The following PKP2 variants were observed in gnomAD, a reference collection of about 807,000 sequenced individuals.
The protein encoded by PKP2 is plakophilin 2.
Under a neutral mutation model 83.4 loss-of-function variants are expected in PKP2, and 73 were observed. That is an observed-to-expected ratio of 0.88 (90% confidence interval 0.72 to 1.06). The LOEUF is 1.06. Ranked by LOEUF, PKP2 falls within the 50% of genes least tolerant of loss-of-function variation. The probability of loss-of-function intolerance (pLI) is 0.00; values close to 1 mark genes in which losing one functional copy is unlikely to be tolerated. For missense variants in PKP2, 966 were observed against 1,065.4 expected (o/e 0.91, Z 1.30); for synonymous variants, 409 against 430.4 (o/e 0.95, Z 0.62).
In PKP2 at chr12:32,896,539, C is replaced by A. The variant is rs143323961; in HGVS notation, c.193G>T (p.Ala65Ser). Residue 65 changes from alanine to serine, a missense_variant, in exon 1 of 13, where the codon GCC becomes TCC. Coordinates refer to ENST00000340811, the MANE Select transcript of PKP2 (RefSeq NM_001005242.3). ...RIQEQVQQTL[A>S]RKGRSSVGNG... Reference sequence around the variant, plus strand: ...CCCACGGAGCTGCGGCCCTTCCGGGCGAGGGTCTGCTGCACCTGCTCCTGG... The same window carrying A: ...CCCACGGAGCTGCGGCCCTTCCGGGAGAGGGTCTGCTGCACCTGCTCCTGG... 7 of 1,572,814 alleles carry A rather than the reference C, an allele frequency of 4.5e-6. No homozygotes were observed. The highest frequency in any genetic ancestry group is 1.4e-5 in the African/African-American group (1 of 72,646).
chr12:32,808,907 T>C lies in PKP2; in HGVS notation c.2014-6351A>G, dbSNP rs1431569875. ...GCAGCCTGCTCCTTCCTCTGGACACTCCATCCCAGGGTGGGTACTGACCTG... is the reference window on the plus strand; with the variant it reads ...GCAGCCTGCTCCTTCCTCTGGACACCCCATCCCAGGGTGGGTACTGACCTG... On this transcript the variant is annotated intron_variant, in intron 9 of 12. Transcript: ENST00000340811. Among the ~76,000 whole-genome samples, 5 of 152,266 alleles carry C rather than the reference T, an allele frequency of 3.3e-5. No homozygotes were observed. The East Asian group carries it at 9.7e-4, about 29-fold the overall frequency.
chr12:32,820,912 C>A (rs933171377), intron 9 of PKP2: 2 of 197,450 alleles, frequency 1.0e-5, no homozygotes, highest in Non-Finnish European at 2.1e-5. Flanking sequence ...GCTGATAAAA[C>A]GTGAGCCTGA....
chr12:32,826,036 G>T (rs926845176), intron 6 of PKP2, among the ~76,000 whole-genome samples: 1 of 152,116 alleles, frequency 6.6e-6, no homozygotes, highest in Non-Finnish European at 1.5e-5. Context: ...TGGGTGTGGT[G>T]GCTTACACCT....
chr12:32,822,415 A>C (rs1414382235), intron 8 of PKP2, 52 bp downstream of exon 8: 18 of 1,465,356 alleles, frequency 1.2e-5, no homozygotes, highest in Non-Finnish European at 1.7e-5. Flanking sequence ...ACAAACACAC[A>C]CTCTCTCTCA....
intron 6 of PKP2, among the ~76,000 whole-genome samples, chr12:32,836,246 G>T (rs571577386): frequency 6.6e-6 from 1 of 152,298 alleles, no homozygotes; most frequent in South Asian, 2.1e-4. Flanking sequence ...ATTCCAAAGG[G>T]ACCTAAAGAC....
At chr12:32,800,031 T>G (rs1267203917) in intron 10 of PKP2, among the ~76,000 whole-genome samples, 2 of 152,228 alleles carry the variant, frequency 1.3e-5, no homozygotes, top group African/African-American at 4.8e-5. Context: ...TTGTAATAGT[T>G]ATTTTCATGT....
intron 5 of PKP2, among the ~76,000 whole-genome samples, chr12:32,846,041 T>A (rs941028309): frequency 4.6e-5 from 7 of 152,164 alleles, no homozygotes; most frequent in African/African-American, 1.7e-4. Flanking sequence ...AATACAGCAA[T>A]CCAATTAAGT....
At chr12:32,852,029 T>G (rs1200403629) in intron 4 of PKP2, among the ~76,000 whole-genome samples, 7 of 152,214 alleles carry the variant, frequency 4.6e-5, no homozygotes, top group African/African-American at 1.4e-4. Context: ...GAAAATATGA[T>G]CTAAAGAAAT....
chr12:32,856,800 A>AACGTGATCACCAGGT (rs1292815230), intron 4 of PKP2, among the ~76,000 whole-genome samples: 3 of 151,892 alleles, frequency 2.0e-5, no homozygotes, highest in Admixed American at 6.6e-5. Flanking sequence ...TTTTGGTGTG[A>AACGTGATCACCAGGT]AATTACCTGG....
At position 32,850,893 on chromosome 12, in the gene PKP2, C is replaced by A. The variant is rs567854722; in HGVS notation, c.1251G>T (p.Gly417=). ...QNEDVQRAVC[G]ALRNLVFEDN... Reference sequence around the variant, plus strand: ...CTTCAAATACTAAGTTTCTCAAGGCCCCACACACAGCTCGCTGAACGTCTT... The same window carrying A: ...CTTCAAATACTAAGTTTCTCAAGGCACCACACACAGCTCGCTGAACGTCTT... Residue 417 remains glycine, a synonymous_variant, in exon 5 of 13, where the codon GGG becomes GGT. Coordinates refer to ENST00000340811, the MANE Select transcript of PKP2 (RefSeq NM_001005242.3). The A allele has an allele frequency of 1.9e-6, 3 of 1,613,994 alleles. No homozygotes were observed. The East Asian group carries it at 6.7e-5, about 36-fold the overall frequency.
intron 1 of PKP2, among the ~76,000 whole-genome samples, chr12:32,880,241 A>C (rs2137957208): frequency 6.6e-6 from 1 of 151,818 alleles, no homozygotes; most frequent in East Asian, 1.9e-4. Flanking sequence ...CTCTCCTAAA[A>C]ATACAAAAAT....
rs61729382 is a variant in PKP2, at chr12:32,877,929, C to T, written c.951G>A (p.Ala317=). 3.5e-4 allele frequency: 566 copies of T among 1,614,142 alleles called. 3 individuals are homozygous for T. The African/African-American group carries it at 6.7e-3, about 19-fold the overall frequency. ...SVAVDSSGRR[A]HLTVGQAAAG... is the part of the protein sequence containing the mutation. ...CGGCCGCCTGGCCGACAGTCAAGTG[C>T]GCTCTCCTCCCGCTGGAATCCACGG... Residue 317 remains alanine (A), a synonymous_variant, in exon 3 of 13, where the codon GCG becomes GCA. Coordinates refer to ENST00000340811, the MANE Select transcript of PKP2 (RefSeq NM_001005242.3).
intron 4 of PKP2, among the ~76,000 whole-genome samples, chr12:32,858,087 AT>A (rs1555146083): frequency 0.042 from 2,354 of 56,054 alleles, 152 homozygotes; most frequent in East Asian, 0.073. Context: ...AAAAAAAAAT[AT>A]ATATATATAT....
At chr12:32,853,039 G>A (rs1199762576) in intron 4 of PKP2, among the ~76,000 whole-genome samples, 1 of 152,050 alleles carries the variant, frequency 6.6e-6, no homozygotes, top group East Asian at 1.9e-4. Flanking sequence ...AGCAGAAATG[G>A]CACCACTGCA....
Position 32,843,259 on chromosome 12 carries a change from G to A in PKP2, c.1379-2054C>T, listed in dbSNP as rs144620127. On this transcript the variant is annotated intron_variant, in intron 5 of 12. Transcript: ENST00000340811. ...GCCTCCCAAAGTGCTGGGATTACAG[G>A]CGTGAGCCACCGCGCCCGGCCAGCC... The A allele has an allele frequency of 9.5e-5, 117 of 1,227,012 alleles. 2 individuals are homozygous for A. The African/African-American group carries it at 1.5e-3, about 16-fold the overall frequency. 76.0% of individuals were successfully genotyped at this position (1,227,012 alleles called of 1,614,324 possible).
At chr12:32,792,598 T>G in intron 12 of PKP2, 46 bp downstream of exon 12, 1 of 1,573,606 alleles carries the variant, frequency 6.4e-7, no homozygotes. Context: ...GGGCCATTAT[T>G]ACCTGGCTCT....
chr12:32,846,639 G>A (rs748286654), intron 5 of PKP2, among the ~76,000 whole-genome samples: 35 of 151,766 alleles, frequency 2.3e-4, no homozygotes, highest in Non-Finnish European at 8.8e-5. Flanking sequence ...CAGCTACTTG[G>A]GAGGCTAAGG....
chr12:32,814,924 TA>T (rs1044035654), intron 9 of PKP2, among the ~76,000 whole-genome samples: 202 of 145,812 alleles, frequency 1.4e-3, no homozygotes, highest in Middle Eastern at 3.5e-3. Context: ...GACTCTGTCT[TA>T]AAAAAAAAAA....
At chr12:32,825,901 A>G (rs1478249648) in intron 6 of PKP2, among the ~76,000 whole-genome samples, 1 of 152,086 alleles carries the variant, frequency 6.6e-6, no homozygotes, top group Non-Finnish European at 1.5e-5. Flanking sequence ...CTAAAAAATT[A>G]ACAAAATAAA....
Sources: gnomAD v4.1 joint callset for allele counts (sites outside exome capture counted in the v4.1 genomes callset) on GRCh38, gnomAD v4.1.1 for gene constraint, MANE v1.5 for transcripts, NCBI Gene and HGNC (gene_info 2026-07-23, HGNC 2026-07-21) for gene names.